Variants in CARF observed in about 807,000 individuals in gnomAD.
CARF encodes the protein calcium responsive transcription factor, also known as calcium-responsive transcription factor.
CARF carries 57 observed loss-of-function variants against 82.0 expected under a neutral mutation model. The ratio of observed to expected loss-of-function variants is 0.70; its 90% CI spans 0.56 to 0.87. CARF has a LOEUF of 0.87. Ranked by LOEUF, CARF falls within the 40% of genes least tolerant of loss-of-function variation. The pLI is 0.00. For missense variants in CARF, 771 were observed against 855.8 expected, an observed-to-expected ratio of 0.90 and a Z score of 1.24; for synonymous variants, 268 against 290.1, an observed-to-expected ratio of 0.92 and a Z score of 0.77.
chr2:202,942,903 T>C lies in CARF; in HGVS notation c.242T>C (p.Val81Ala), dbSNP rs368347355. 4 of 1,614,042 alleles carry C rather than the reference T, an allele frequency of 2.5e-6. No individual in the cohort carries two copies. The highest frequency in any genetic ancestry group is 2.7e-5 in the African/African-American group (2 of 74,934). Residue 81 changes from valine (V) to alanine (A), a missense_variant, in exon 5 of 17, where the codon GTG (valine) becomes GCG (alanine). Coordinates refer to ENST00000438828, the MANE Select transcript of CARF (RefSeq NM_024744.17). ...CTTTCTGCAGAGCAATTCCATCTAG[T>C]GGACCAAAATGGGCAGGCTATTCAA... Reference protein sequence around the residue: ...QTLSAEQFHLVDQNGQAIQYE... With the variant: ...QTLSAEQFHLADQNGQAIQYE...
At chr2:202,971,842 G>A in intron 12 of CARF, 104 bp downstream of exon 12, 1 of 657,802 alleles carries the variant, frequency 1.5e-6, no homozygotes, top group South Asian at 2.2e-5. Flanking sequence ...TGCTATCAGG[G>A]TAGATAAGGA....
chr2:202,914,412 G>C (rs1256259364), intron 1 of CARF, among the ~76,000 whole-genome samples: 1 of 152,036 alleles, frequency 6.6e-6, no homozygotes, highest in Non-Finnish European at 1.5e-5. Context: ...GTGATCTTAA[G>C]CAAGTTTCTT....
At chr2:202,926,011 C>T in intron 3 of CARF, 1 of 160,180 alleles carries the variant, frequency 6.2e-6, no homozygotes, top group Non-Finnish European at 1.4e-5. Context: ...CCTTCAGCTG[C>T]ACCAGCTCCT....
rs1214303499 is a variant in CARF, at chr2:202,977,321, C to A, written c.1547C>A (p.Thr516Lys). The change falls in exon 14 of 17, where the codon ACA (threonine) becomes AAA (lysine). Residue 516 changes from threonine to lysine, a missense_variant. Physicochemically the swap from Thr to Lys is moderately conservative, Grantham distance 78. Transcript: ENST00000438828. ...GNILKETMTV[T>K]FAEGNSPGES... is the part of the protein sequence containing the mutation. ...ATTCTCAAAGAGACCATGACAGTTA[C>A]ATTTGCAGAAGGTAGGTTTTCTTGA... The A allele has an allele frequency of 1.2e-6, 2 of 1,611,440 alleles. No individual in the cohort carries two copies. Among genetic ancestry groups the A allele is most frequent in the Admixed American group, 3.3e-5 (2 of 59,924 alleles).
At chr2:202,953,495 G>GTTTTTT (rs1445873910) in intron 6 of CARF, among the ~76,000 whole-genome samples, 2 of 19,090 alleles carry the variant, frequency 1.0e-4, no homozygotes, top group African/African-American at 4.1e-4. Context: ...CTCTTTTTTT[G>GTTTTTT]TTGTTTTTTT....
At chr2:202,953,164 C>T (rs1462101228) in intron 6 of CARF, among the ~76,000 whole-genome samples, 1 of 151,896 alleles carries the variant, frequency 6.6e-6, no homozygotes, top group African/African-American at 2.4e-5. Flanking sequence ...GGATTACAGG[C>T]GCCTGCAACC....
At chr2:202,971,021 T>C (rs1325993812) in intron 11 of CARF, among the ~76,000 whole-genome samples, 1 of 152,140 alleles carries the variant, frequency 6.6e-6, no homozygotes, top group African/African-American at 2.4e-5. Flanking sequence ...AGGTTCTATC[T>C]TTGGTTGGAA....
intron 8 of CARF, among the ~76,000 whole-genome samples, chr2:202,958,537 G>A (rs2059158059): frequency 6.6e-6 from 1 of 152,042 alleles, no homozygotes; most frequent in Non-Finnish European, 1.5e-5. Context: ...CAACAGACTT[G>A]AGTATGGTTG....
intron 1 of CARF, among the ~76,000 whole-genome samples, chr2:202,916,505 A>G (rs1652838094): frequency 1.3e-5 from 2 of 152,182 alleles, no homozygotes; most frequent in South Asian, 4.1e-4. Flanking sequence ...TAATGTAGTT[A>G]ATAAGATCTG....
intron 3 of CARF, among the ~76,000 whole-genome samples, chr2:202,932,051 G>C (rs1693037088): frequency 6.6e-6 from 1 of 152,182 alleles, no homozygotes; most frequent in South Asian, 2.1e-4. Flanking sequence ...GGAAGGCAAA[G>C]GGGGAACCAG....
chr2:202,983,780 A>C lies in CARF; in HGVS notation c.*156A>C. The C allele has an allele frequency of 1.7e-6, 1 of 589,976 alleles. No individual in the cohort carries two copies. The highest frequency in any genetic ancestry group is 3.0e-6 in the Non-Finnish European group (1 of 337,804). 36.5% of individuals were successfully genotyped at this position (589,976 alleles called of 1,614,324 possible). A position where few individuals can be genotyped will look rare whatever the true frequency, so the allele number is the denominator to read the frequency against. ...AACTGATATATTTGTTGCCAGTTCC[A>C]TATTTTTACCTTCCTTAAGAGATGT... On this transcript the variant is annotated 3_prime_UTR_variant, in exon 17 of 17. Coordinates refer to ENST00000438828, the MANE Select transcript of CARF (RefSeq NM_024744.17).
At chr2:202,956,807 G>A (rs2059065708) in intron 8 of CARF, among the ~76,000 whole-genome samples, 1 of 151,192 alleles carries the variant, frequency 6.6e-6, no homozygotes, top group Non-Finnish European at 1.5e-5. Context: ...TTATTTTTTT[G>A]AGATGGAGTC....
intron 1 of CARF, among the ~76,000 whole-genome samples, chr2:202,916,086 T>C (rs770808667): frequency 1.3e-5 from 2 of 152,126 alleles, no homozygotes; most frequent in African/African-American, 2.4e-5. Flanking sequence ...TTTGTACATA[T>C]TATAAAAGGA....
intron 5 of CARF, among the ~76,000 whole-genome samples, chr2:202,945,013 T>C (rs1013737434): frequency 1.3e-5 from 2 of 152,082 alleles, no homozygotes; most frequent in Admixed American, 1.3e-4. Flanking sequence ...AACCATGAAA[T>C]AGGAAACATG....
chr2:202,945,644 G>T (rs554241616), intron 5 of CARF, among the ~76,000 whole-genome samples: 2 of 152,192 alleles, frequency 1.3e-5, no homozygotes, highest in African/African-American at 4.8e-5. Flanking sequence ...ACATGATCTT[G>T]TTCTTTTTTA....
intron 4 of CARF, 21 bp downstream of exon 4, chr2:202,942,001 CT>C: frequency 6.9e-6 from 11 of 1,594,472 alleles, no homozygotes; most frequent in East Asian, 2.2e-5. Context: ...AGCTGGGAAC[CT>C]TTTTCCATCC....
intron 13 of CARF, among the ~76,000 whole-genome samples, chr2:202,976,098 T>A (rs1413713312): frequency 1.3e-5 from 2 of 152,028 alleles, no homozygotes; most frequent in African/African-American, 2.4e-5. Flanking sequence ...CATACATACA[T>A]ACATACAGTT....
At chr2:202,954,558 C>CA (rs1251820784) in intron 7 of CARF, among the ~76,000 whole-genome samples, 1 of 151,840 alleles carries the variant, frequency 6.6e-6, no homozygotes, top group Non-Finnish European at 1.5e-5. Context: ...ACTAAAAATA[C>CA]AAAAATTAGC....
In CARF at chr2:202,986,871, T is replaced by TATATATATATATATATAC. The variant is rs2060445803; in HGVS notation, c.*3264_*3265insCATATATATATATATATA. On this transcript the variant is annotated 3_prime_UTR_variant, in exon 17 of 17. Coordinates refer to ENST00000438828, the MANE Select transcript of CARF (RefSeq NM_024744.17). The stretch of plus-strand genomic sequence containing the variant: ...GAGGTTTAAAAAATGTCTGTGCGTA[T>TATATATATATATATATAC]ATATATATATATATATATATATATA... 1 of 41,490 alleles carries TATATATATATATATATAC rather than the reference T, an allele frequency of 2.4e-5. No homozygotes were observed. Among genetic ancestry groups the TATATATATATATATATAC allele is most frequent in the African/African-American group, 8.9e-5 (1 of 11,218 alleles). 2.6% of individuals were successfully genotyped at this position (41,490 alleles called of 1,614,324 possible). A position where few individuals can be genotyped will look rare whatever the true frequency, so the allele number is the denominator to read the frequency against.
Sources: allele counts gnomAD v4.1 joint callset (sites outside exome capture counted in the v4.1 genomes callset), GRCh38; gene constraint gnomAD v4.1.1; transcripts MANE v1.5; gene names NCBI Gene and HGNC (gene_info 2026-07-23, HGNC 2026-07-21).